CNTNAP2: variants seen among roughly 807,000 people sequenced by gnomAD.
The protein encoded by CNTNAP2 is contactin-associated protein-like 2.
In CNTNAP2, 98 loss-of-function variants were observed where a neutral mutation model predicts 155.2. That is an observed-to-expected ratio of 0.63 (90% CI 0.54 to 0.75). The LOEUF (loss-of-function observed/expected upper bound fraction) is 0.75. Among genes scored for constraint, CNTNAP2 ranks in the 30% least tolerant of loss-of-function variants. CNTNAP2 has a pLI of 0.00. For missense variants in CNTNAP2, 1,727 were observed against 1,688.1 expected (o/e 1.02, Z -0.40); for synonymous variants, 651 against 631.2 (o/e 1.03, Z -0.47).
At chr7:147,659,047 C>A (rs1452325695) in intron 13 of CNTNAP2, among the ~76,000 whole-genome samples, 1 of 152,160 alleles carries the variant, frequency 6.6e-6, no homozygotes, top group Non-Finnish European at 1.5e-5. Context: ...GTTTTCCAAT[C>A]CTACATCTCT....
intron 1 of CNTNAP2, among the ~76,000 whole-genome samples, chr7:146,451,853 T>TATATATATACG (rs1306006293): frequency 0.034 from 4,572 of 132,952 alleles, 397 homozygotes; most frequent in African/African-American, 0.11. Flanking sequence ...TATACACGTA[T>TATATATATACG]TCTATATATA....
rs1023987164 is a variant in CNTNAP2 at position 147,195,396 on chromosome 7, C to T, written c.1348+62887C>T. On this transcript the variant is annotated intron_variant, in intron 8 of 23. Coordinates refer to ENST00000361727, the MANE Select transcript of CNTNAP2 (RefSeq NM_014141.6). The stretch of plus-strand genomic sequence containing the variant: ...TTCTTTTTGCTTAGGATTGTCTTGG[C>T]TCTATGGCGTCTTCTTTGATTCCAT... Among the ~76,000 whole-genome samples, 5 of 152,080 alleles carry T rather than the reference C, an allele frequency of 3.3e-5. No homozygotes were observed. The South Asian group carries it at 1.0e-3, about 32-fold the overall frequency.
intron 1 of CNTNAP2, among the ~76,000 whole-genome samples, chr7:146,643,591 C>T (rs970919228): frequency 1.7e-4 from 26 of 152,120 alleles, no homozygotes; most frequent in East Asian, 3.9e-4. Flanking sequence ...AGTCAGGTAG[C>T]GTGATGCCTC....
At chr7:147,255,845 C>G (rs1804312406) in intron 8 of CNTNAP2, among the ~76,000 whole-genome samples, 1 of 152,158 alleles carries the variant, frequency 6.6e-6, no homozygotes, top group South Asian at 2.1e-4. Context: ...TCAAGGGATT[C>G]TCATTCCTCA....
chr7:148,106,062 A>G (rs962319694), intron 15 of CNTNAP2, among the ~76,000 whole-genome samples: 3 of 152,160 alleles, frequency 2.0e-5, no homozygotes, highest in African/African-American at 7.2e-5. Context: ...GACTATTTAG[A>G]AGGTGTGGCT....
intron 9 of CNTNAP2, among the ~76,000 whole-genome samples, chr7:147,355,141 C>T (rs535048034): frequency 3.3e-5 from 5 of 151,882 alleles, no homozygotes; most frequent in East Asian, 3.9e-4. Flanking sequence ...GCCATTGTTT[C>T]GAGTAAAGTG....
chr7:147,646,074 G>C (rs1795360929), intron 13 of CNTNAP2, among the ~76,000 whole-genome samples: 1 of 152,206 alleles, frequency 6.6e-6, no homozygotes, highest in Non-Finnish European at 1.5e-5. Flanking sequence ...GTCCGCACCA[G>C]AGTGCACATG....
At chr7:148,409,349 A>G in intron 22 of CNTNAP2, 42 bp from the exon 23 acceptor site, 1 of 1,433,884 alleles carries the variant, frequency 7.0e-7, no homozygotes, top group East Asian at 2.3e-5. Context: ...TGGGATCAAT[A>G]GTATACTTGA....
At chr7:148,235,830 C>T (rs928079497) in intron 20 of CNTNAP2, among the ~76,000 whole-genome samples, 5 of 151,832 alleles carry the variant, frequency 3.3e-5, no homozygotes, top group Admixed American at 6.6e-5. Context: ...GGAGTACAGG[C>T]GTGTGCCACC....
chr7:146,612,279 T>C (rs1799151993), intron 1 of CNTNAP2, among the ~76,000 whole-genome samples: 1 of 152,326 alleles, frequency 6.6e-6, no homozygotes, highest in South Asian at 2.1e-4. Context: ...ATGGACCTTT[T>C]TTCTTGTTCC....
chr7:147,278,257 A>G (rs1804948897), intron 8 of CNTNAP2, among the ~76,000 whole-genome samples: 3 of 151,772 alleles, frequency 2.0e-5, no homozygotes, highest in Admixed American at 2.0e-4. Context: ...TATATCCTCA[A>G]AAGAAAGTAA....
At chr7:146,750,526 T>G (rs923309694) in intron 1 of CNTNAP2, among the ~76,000 whole-genome samples, 1 of 152,194 alleles carries the variant, frequency 6.6e-6, no homozygotes, top group African/African-American at 2.4e-5. Flanking sequence ...TCACTAGTCC[T>G]TTAATAAAGA....
At chr7:146,407,474 T>C (rs1024526910) in intron 1 of CNTNAP2, among the ~76,000 whole-genome samples, 12 of 152,208 alleles carry the variant, frequency 7.9e-5, no homozygotes, top group Non-Finnish European at 1.6e-4. Context: ...TTCACTGTTA[T>C]AGTGTATTAC....
intron 1 of CNTNAP2, among the ~76,000 whole-genome samples, chr7:146,155,074 T>C (rs1798105142): frequency 1.3e-5 from 2 of 152,326 alleles, no homozygotes; most frequent in South Asian, 4.1e-4. Flanking sequence ...AAGAATTGTT[T>C]AGTACTACCA....
At chr7:146,611,845 C>T (rs183012315) in intron 1 of CNTNAP2, among the ~76,000 whole-genome samples, 66 of 152,248 alleles carry the variant, frequency 4.3e-4, no homozygotes, top group African/African-American at 1.5e-3. Flanking sequence ...GCCTGGAAAT[C>T]CAGTGGAAAT....
intron 13 of CNTNAP2, among the ~76,000 whole-genome samples, chr7:147,734,598 C>T (rs557020764): frequency 2.8e-4 from 42 of 152,284 alleles, no homozygotes; most frequent in Admixed American, 1.1e-3. Context: ...ATGGTACCAA[C>T]TCCTCCTTGT....
chr7:147,044,335 A>G (rs1053276394), intron 4 of CNTNAP2, among the ~76,000 whole-genome samples: 1 of 152,100 alleles, frequency 6.6e-6, no homozygotes. Flanking sequence ...TTTTTGTTCA[A>G]TAGACTAAAT....
Position 147,338,451 on chromosome 7 carries a change from A to C in CNTNAP2, c.1498+38161A>C, listed in dbSNP as rs118030417. Among the ~76,000 whole-genome samples the C allele has an allele frequency of 5.0e-3, 764 of 152,256 alleles. 2 individuals carry two copies. The highest frequency in any genetic ancestry group is 7.2e-3 in the Non-Finnish European group (491 of 68,024). ...ACTGATTTTTTTAAACCAAATATAG[A>C]ACATAAGAAGAAAGAGTGCTCTTTA... On this transcript the variant is annotated intron_variant, in intron 9 of 23. Transcript: ENST00000361727.
chr7:148,256,082 G>A (rs1039998266), intron 20 of CNTNAP2, among the ~76,000 whole-genome samples: 1 of 152,236 alleles, frequency 6.6e-6, no homozygotes, highest in South Asian at 2.1e-4. Flanking sequence ...CAAGTCTGCC[G>A]AGATGTTTTA....
Sources: gnomAD v4.1 joint callset for allele counts (sites outside exome capture counted in the v4.1 genomes callset) on GRCh38, gnomAD v4.1.1 for gene constraint, MANE v1.5 for transcripts, NCBI Gene and HGNC (gene_info 2026-07-23, HGNC 2026-07-21) for gene names.